Variants in PTGFRN observed in about 807,000 individuals in gnomAD.
PTGFRN encodes prostaglandin F2 receptor inhibitor.
Under a neutral mutation model 83.2 loss-of-function variants are expected in PTGFRN, and 35 were observed. The observed-to-expected ratio is 0.42, with a 90% CI of 0.32 to 0.56. The LOEUF is 0.56. PTGFRN is among the 20% of genes least tolerant of loss of function. PTGFRN has a pLI of 0.11. For synonymous variants in PTGFRN, 519 were observed against 498.6 expected (o/e 1.04, Z -0.55); for missense variants, 1,051 against 1,179.5 (o/e 0.89, Z 1.60).
In PTGFRN at chr1:116,990,036, C is replaced by T. The variant is rs966514879; in HGVS notation, c.*3069C>T. 2.6e-5 allele frequency: 4 copies of T among 152,630 alleles called. No individual in the cohort carries two copies. The highest frequency in any genetic ancestry group is 5.9e-5 in the Non-Finnish European group (4 of 68,038). 9.5% of individuals were successfully genotyped at this position (152,630 alleles called of 1,614,324 possible). A position where few individuals can be genotyped will look rare whatever the true frequency, so the allele number is the denominator to read the frequency against. On this transcript the variant is annotated 3_prime_UTR_variant, in exon 9 of 9. Coordinates refer to ENST00000393203, the MANE Select transcript of PTGFRN (RefSeq NM_020440.4). ...GCAATACTACACAACTTGCTACTTT[C>T]AGAAAACTTTTTTTTAGCTTCACCG...
At chr1:116,959,645 T>C (rs530476230) in intron 4 of PTGFRN, among the ~76,000 whole-genome samples, 23 of 152,180 alleles carry the variant, frequency 1.5e-4, no homozygotes, top group Non-Finnish European at 3.2e-4. Context: ...GTATTATTTT[T>C]CTCCCAGAAG....
chr1:116,929,550 A>G (rs1284853040), intron 1 of PTGFRN, among the ~76,000 whole-genome samples: 4 of 152,072 alleles, frequency 2.6e-5, no homozygotes, highest in Non-Finnish European at 4.4e-5. Context: ...GCTCCATCAC[A>G]GTGCTTTTAT....
Position 116,974,286 on chromosome 1 carries a change from C to A in PTGFRN, c.2130C>A (p.Phe710Leu), listed in dbSNP as rs1435540673. 2 of 1,612,938 alleles carry A rather than the reference C, an allele frequency of 1.2e-6. No individual in the cohort carries two copies. The highest frequency in any genetic ancestry group is 1.7e-6 in the Non-Finnish European group (2 of 1,179,038). ...SVIRGDLIKLFCIITVEGAAL... is the reference protein window; with the variant it reads ...SVIRGDLIKLLCIITVEGAAL... ...TTCGGGGAGATCTGATCAAATTGTTCTGTATCATCACTGTCGAGGGAGCAG... is the reference window on the plus strand; with the variant it reads ...TTCGGGGAGATCTGATCAAATTGTTATGTATCATCACTGTCGAGGGAGCAG... Residue 710 changes from phenylalanine (F) to leucine (L), a missense_variant, in exon 7 of 9, where the codon TTC (phenylalanine) becomes TTA (leucine). Physicochemically the swap from Phe to Leu is conservative, Grantham distance 22 (BLOSUM62 0). Coordinates refer to ENST00000393203, the MANE Select transcript of PTGFRN (RefSeq NM_020440.4).
chr1:116,955,728 T>C (rs527806484), intron 4 of PTGFRN, among the ~76,000 whole-genome samples: 1 of 152,322 alleles, frequency 6.6e-6, no homozygotes, highest in East Asian at 1.9e-4. Flanking sequence ...TCAGCCAGTA[T>C]GTTAGTATTT....
At chr1:116,917,486 AAGGGAG>A (rs1435129261) in intron 1 of PTGFRN, among the ~76,000 whole-genome samples, 1 of 152,044 alleles carries the variant, frequency 6.6e-6, no homozygotes. Context: ...GAGAGGAGGG[AAGGGAG>A]AGGGAGAGGA....
chr1:116,927,524 C>A (rs1215318077), intron 1 of PTGFRN, among the ~76,000 whole-genome samples: 1 of 125,894 alleles, frequency 7.9e-6, no homozygotes, highest in African/African-American at 5.3e-5. Flanking sequence ...GCCTTGCTTA[C>A]CTTTTTTTTT....
intron 7 of PTGFRN, among the ~76,000 whole-genome samples, chr1:116,982,869 G>C (rs111797758): frequency 1.8e-4 from 27 of 152,268 alleles, no homozygotes; most frequent in East Asian, 5.8e-4. Flanking sequence ...GCCTCTGGAG[G>C]GGGGAGGGTA....
intron 1 of PTGFRN, among the ~76,000 whole-genome samples, chr1:116,912,522 T>TC (rs1489387835): frequency 6.6e-6 from 1 of 152,192 alleles, no homozygotes; most frequent in African/African-American, 2.4e-5. Context: ...TTCTTGGCTC[T>TC]CCCCGTACCA....
At chr1:116,985,994 A>AAAG (rs1651467965) in intron 8 of PTGFRN, among the ~76,000 whole-genome samples, 1 of 152,000 alleles carries the variant, frequency 6.6e-6, no homozygotes, top group South Asian at 2.1e-4. Flanking sequence ...AGGATGAGTA[A>AAAG]AAGCCTTTTG....
At chr1:116,950,219 TCTTA>T (rs1292364320) in intron 4 of PTGFRN, among the ~76,000 whole-genome samples, 3 of 152,182 alleles carry the variant, frequency 2.0e-5, no homozygotes, top group African/African-American at 7.2e-5. Context: ...TGGCATGTCC[TCTTA>T]CTTTATACTA....
At chr1:116,937,882 T>G (rs968812379) in intron 1 of PTGFRN, among the ~76,000 whole-genome samples, 9 of 152,182 alleles carry the variant, frequency 5.9e-5, no homozygotes, top group African/African-American at 2.2e-4. Context: ...GTGCTGTAAG[T>G]ACATTTCCTC....
chr1:116,952,825 T>C lies in PTGFRN; in HGVS notation c.1213+3253T>C, dbSNP rs749202094. On this transcript the variant is annotated intron_variant, in intron 4 of 8. Transcript: ENST00000393203. The surrounding 1 kb of genome is among the most constrained non-coding windows in gnomAD (Gnocchi z 4.0). ...CCCTAAATGATGGTTTAAATGGATG[T>C]TTCTTATATCCACCCTCTATAAAAG... 7.9e-5 allele frequency among the ~76,000 whole-genome samples: 12 copies of C among 152,250 alleles called. No individual in the cohort carries two copies. The highest frequency in any genetic ancestry group is 1.5e-4 in the Non-Finnish European group (10 of 68,040).
Position 116,944,795 on chromosome 1 carries a change from A to ACG in PTGFRN, c.537_538dup (p.His180ArgfsTer21). 1 of 1,567,380 alleles carries ACG rather than the reference A, an allele frequency of 6.4e-7. No individual in the cohort carries two copies. Among genetic ancestry groups the ACG allele is most frequent in the Non-Finnish European group, 8.6e-7 (1 of 1,160,420 alleles). ...CGCCGCCTCCGCCTCGCCGCTGCAC[A>ACG]CGCACCTGGCGCTGCTGTGGGAGGT... On this transcript the variant is annotated frameshift_variant, in exon 3 of 9. Coordinates refer to ENST00000393203, the MANE Select transcript of PTGFRN (RefSeq NM_020440.4). LOFTEE classifies it high-confidence loss of function.
chr1:116,970,178 A>G (rs909016932), intron 6 of PTGFRN, among the ~76,000 whole-genome samples: 6 of 152,198 alleles, frequency 3.9e-5, no homozygotes, highest in Admixed American at 2.6e-4. Flanking sequence ...GTTTCTGATC[A>G]TAGGGGGAAA....
intron 7 of PTGFRN, among the ~76,000 whole-genome samples, chr1:116,976,504 A>G (rs1223597160): frequency 1.3e-5 from 2 of 152,258 alleles, no homozygotes; most frequent in Non-Finnish European, 2.9e-5. Context: ...AGGGAAGCCC[A>G]TCAGATTAAC....
chr1:116,978,824 A>G (rs952380645), intron 7 of PTGFRN, among the ~76,000 whole-genome samples: 34 of 152,170 alleles, frequency 2.2e-4, no homozygotes, highest in Admixed American at 5.9e-4. Flanking sequence ...AGACAGGGAT[A>G]CCCTCTCTCA....
chr1:116,967,951 G>GCTGAA (rs1650886552), intron 6 of PTGFRN, among the ~76,000 whole-genome samples: 1 of 152,138 alleles, frequency 6.6e-6, no homozygotes, highest in African/African-American at 2.4e-5. Context: ...AAGAAAATGA[G>GCTGAA]CTGAAGCTCA....
intron 6 of PTGFRN, 107 bp downstream of exon 6, chr1:116,967,437 T>G (rs935378418): frequency 1.5e-5 from 17 of 1,142,012 alleles, no homozygotes; most frequent in Admixed American, 2.6e-5. Context: ...GCAATTCATA[T>G]GCCATACAAT....
At chr1:116,928,000 A>C (rs1192998674) in intron 1 of PTGFRN, among the ~76,000 whole-genome samples, 4 of 152,220 alleles carry the variant, frequency 2.6e-5, no homozygotes, top group Non-Finnish European at 5.9e-5. Context: ...AGGATAGATA[A>C]CATTAGAGCC....
Sources: allele counts gnomAD v4.1 joint callset (sites outside exome capture counted in the v4.1 genomes callset), GRCh38; gene constraint gnomAD v4.1.1; non-coding constraint Gnocchi (gnomAD v3.1); transcripts MANE v1.5; gene names NCBI Gene and HGNC (gene_info 2026-07-23, HGNC 2026-07-21).